UGT3A2: variants seen among roughly 807,000 people sequenced by gnomAD.
UGT3A2 encodes UDP-glycosyltransferase 3A2.
Under a neutral mutation model 39.8 loss-of-function variants are expected in UGT3A2, and 32 were observed. The ratio of observed to expected loss-of-function variants is 0.80; its 90% CI spans 0.61 to 1.08. The LOEUF is 1.08. UGT3A2 is among the 50% of genes least tolerant of loss of function. The pLI is 0.00. For synonymous variants in UGT3A2, 241 were observed against 230.7 expected (o/e 1.04, Z -0.40); for missense variants, 611 against 637.1 (o/e 0.96, Z 0.44).
chr5:36,049,405 G>GTTTTCAAATTTTCCTC lies in UGT3A2; in HGVS notation c.312-1_326dup (p.Asn109LysfsTer5), dbSNP rs1561493303. 3 of 1,555,158 alleles carry GTTTTCAAATTTTCCTC rather than the reference G, an allele frequency of 1.9e-6. No individual in the cohort carries two copies. The East Asian group carries it at 6.8e-5, about 35-fold the overall frequency. Reference sequence around the variant, plus strand: ...CCAAGTATTCTAGAACATTTAATAAGTTTTCAAATTTTCCTCTGTAAGAAA... The same window carrying GTTTTCAAATTTTCCTC: ...CCAAGTATTCTAGAACATTTAATAAGTTTTCAAATTTTCCTCTTTTCAAATTTTCCTCTGTAAGAAA... On this transcript the variant is annotated stop_gained and frameshift_variant, in exon 4 of 7. Coordinates refer to ENST00000282507, the MANE Select transcript of UGT3A2 (RefSeq NM_174914.4). LOFTEE classifies it high-confidence loss of function.
At chr5:36,041,413 T>C (rs1412379041) in intron 4 of UGT3A2, among the ~76,000 whole-genome samples, 1 of 152,160 alleles carries the variant, frequency 6.6e-6, no homozygotes, top group African/African-American at 2.4e-5. Flanking sequence ...ACAATAGTTA[T>C]CATAGGTCTT....
intron 6 of UGT3A2, 126 bp downstream of exon 6, chr5:36,037,671 G>T: frequency 1.0e-6 from 1 of 980,608 alleles, no homozygotes; most frequent in Non-Finnish European, 1.5e-6. Flanking sequence ...ATTATCCCAT[G>T]TCCTGGAAAA....
chr5:36,060,213 A>G (rs1581018064), intron 2 of UGT3A2, among the ~76,000 whole-genome samples: 1 of 152,386 alleles, frequency 6.6e-6, no homozygotes, highest in East Asian at 1.9e-4. Context: ...TGAGGGCTGC[A>G]CAGCCAGTAA....
intron 5 of UGT3A2, 152 bp downstream of exon 5, chr5:36,039,325 C>A: frequency 1.4e-6 from 1 of 728,896 alleles, no homozygotes; most frequent in Non-Finnish European, 2.3e-6. Flanking sequence ...CCTGGTTTCC[C>A]AAGAACTCCA....
intron 5 of UGT3A2, 30 bp from the exon 6 acceptor site, chr5:36,038,046 C>G: frequency 1.9e-6 from 3 of 1,549,160 alleles, no homozygotes; most frequent in Non-Finnish European, 2.6e-6. Flanking sequence ...GGGTGGGACA[C>G]TTCAGGATGA....
intron 4 of UGT3A2, among the ~76,000 whole-genome samples, chr5:36,048,016 G>T (rs1379607136): frequency 6.6e-6 from 1 of 152,152 alleles, no homozygotes; most frequent in African/African-American, 2.4e-5. Context: ...TGCTCACTCA[G>T]TGCAAGTTAA....
At chr5:36,059,366 T>A (rs1288342668) in intron 2 of UGT3A2, among the ~76,000 whole-genome samples, 1 of 150,966 alleles carries the variant, frequency 6.6e-6, no homozygotes, top group African/African-American at 2.4e-5. Flanking sequence ...TTTCTCTTTT[T>A]TTTTTTTTTT....
intron 2 of UGT3A2, among the ~76,000 whole-genome samples, chr5:36,056,631 G>A (rs4869613): frequency 0.039 from 5,917 of 152,304 alleles, 184 homozygotes; most frequent in East Asian, 0.12. Flanking sequence ...TACTCTGACC[G>A]TTTAATCCTG....
At chr5:36,040,334 C>G (rs1741967278) in intron 4 of UGT3A2, among the ~76,000 whole-genome samples, 3 of 151,904 alleles carry the variant, frequency 2.0e-5, no homozygotes. Flanking sequence ...AGAATAGAAC[C>G]CTGAAGTGAT....
intron 5 of UGT3A2, among the ~76,000 whole-genome samples, 190 bp from the exon 6 acceptor site, chr5:36,038,206 A>G (rs926792043): frequency 6.6e-6 from 1 of 152,226 alleles, no homozygotes; most frequent in Non-Finnish European, 1.5e-5. Flanking sequence ...TTGCTATCGT[A>G]TGGAAACATC....
rs368816904 is a variant in UGT3A2, at chr5:36,051,506, A to C, written c.311+364T>G. On this transcript the variant is annotated intron_variant, in intron 3 of 6. Transcript: ENST00000282507. ...CCAACAGTGAAAAGTTGAGGAGCCT[A>C]TCCCAATTTCTGTGTTGGGGAGATT... Among the ~76,000 whole-genome samples the C allele has an allele frequency of 8.5e-4, 129 of 152,366 alleles. 1 individual carries two copies. The South Asian group carries it at 0.027, about 31-fold the overall frequency.
intron 2 of UGT3A2, among the ~76,000 whole-genome samples, chr5:36,058,416 C>T (rs1240090798): frequency 1.3e-5 from 2 of 152,148 alleles, no homozygotes; most frequent in African/African-American, 4.8e-5. Context: ...TCGTGATCAA[C>T]TCAGGATAGC....
intron 2 of UGT3A2, among the ~76,000 whole-genome samples, chr5:36,057,537 C>CTT (rs531092925): frequency 2.0e-4 from 27 of 134,718 alleles, no homozygotes; most frequent in Admixed American, 3.0e-4. Flanking sequence ...CTCTCTCTCT[C>CTT]TTTTTTTTTT....
intron 2 of UGT3A2, among the ~76,000 whole-genome samples, chr5:36,055,197 AT>A (rs1455907439): frequency 6.6e-6 from 1 of 150,462 alleles, no homozygotes; most frequent in Non-Finnish European, 1.5e-5. Context: ...ATAGTAATTC[AT>A]TCCACTAAAC....
chr5:36,053,351 T>C (rs1056049316), intron 2 of UGT3A2, among the ~76,000 whole-genome samples: 1 of 152,208 alleles, frequency 6.6e-6, no homozygotes, highest in African/African-American at 2.4e-5. Context: ...TCTGTGCCCA[T>C]AATGTTACAA....
rs751652331 is a variant in UGT3A2, at chr5:36,066,701, G to A, written c.89C>T (p.Thr30Ile). 8 of 1,613,994 alleles carry A rather than the reference G, an allele frequency of 5.0e-6. No homozygotes were observed. Among genetic ancestry groups the A allele is most frequent in the East Asian group, 2.2e-5 (1 of 44,870 alleles). The change falls in exon 1 of 7, where the codon ACA becomes ATA. Residue 30 changes from threonine (T) to isoleucine (I), a missense_variant. Physicochemically the swap from Thr to Ile is moderately conservative, Grantham distance 89. Transcript: ENST00000282507. ...SEAAKILTISTVGGSHYLLMD... is the reference protein window; with the variant it reads ...SEAAKILTISIVGGSHYLLMD... ...TTCTCCGGCCAAGCACTCACCTACT[G>A]TAGATATTGTCAGGATTTTGGCAGC...
At chr5:36,041,309 T>C (rs138795475) in intron 4 of UGT3A2, among the ~76,000 whole-genome samples, 107 of 152,272 alleles carry the variant, frequency 7.0e-4, no homozygotes, top group African/African-American at 2.6e-3. Flanking sequence ...GAAGGAAACC[T>C]GCTGCCCTAA....
rs1741807897 is a variant in UGT3A2 at position 36,035,876 on chromosome 5, G to A, written c.1394C>T (p.Thr465Ile). 6.2e-7 allele frequency: 1 copy of A among 1,614,090 alleles called. No individual in the cohort carries two copies. Among genetic ancestry groups the A allele is most frequent in the African/African-American group, 1.3e-5 (1 of 74,946 alleles). Residue 465 changes from threonine (T) to isoleucine (I), a missense_variant, in exon 7 of 7, where the codon ACA (threonine) becomes ATA (isoleucine). Transcript: ENST00000282507. ...LVGWIDHVLQ[T>I]GGATHLKPYV... is the part of the protein sequence containing the mutation. ...GGGCTTGAGGTGCGTCGCGCCCCCT[G>A]TCTGGAGGACGTGGTCAATCCAGCC... is the stretch of plus-strand genomic sequence containing the variant.
intron 4 of UGT3A2, among the ~76,000 whole-genome samples, chr5:36,047,259 C>T (rs1742195985): frequency 6.6e-6 from 1 of 152,178 alleles, no homozygotes; most frequent in Admixed American, 6.5e-5. Context: ...CCAGCCTGTG[C>T]CCCAACCACC....
Sources: gnomAD v4.1 joint callset for allele counts (sites outside exome capture counted in the v4.1 genomes callset) on GRCh38, gnomAD v4.1.1 for gene constraint, MANE v1.5 for transcripts, NCBI Gene and HGNC (gene_info 2026-07-23, HGNC 2026-07-21) for gene names.